Variants in SLC28A3 observed in about 807,000 individuals in gnomAD.
SLC28A3 encodes solute carrier family 28 member 3.
Under a neutral mutation model 84.2 loss-of-function variants are expected in SLC28A3, and 68 were observed. The ratio of observed to expected loss-of-function variants is 0.81; its 90% confidence interval spans 0.66 to 0.99. SLC28A3 has a LOEUF of 0.99. SLC28A3 is among the 50% of genes least tolerant of loss of function. The pLI, the probability that SLC28A3 is intolerant of heterozygous loss-of-function variation, is 0.00. For synonymous variants in SLC28A3, 267 were observed against 303.6 expected (o/e 0.88, Z 1.25); for missense variants, 712 against 841.5 (o/e 0.85, Z 1.90).
At chr9:84,359,677 A>G in the SLC28A3 span, among the ~76,000 whole-genome samples, 1 of 152,196 alleles carries the variant, frequency 6.6e-6, no homozygotes, top group African/African-American at 2.4e-5. Context: ...GTAGGAGCCT[A>G]AGAAAAGATA....
chr9:84,292,648 C>T lies in SLC28A3; in HGVS notation c.1023+20G>A. ...GATCCATTTCAACAGATGTTTTGTT[C>T]TGTTGATATTACAACTTACTTGTCC... On this transcript the variant is annotated intron_variant, in intron 10 of 17. Transcript: ENST00000376238. The T allele has an allele frequency of 6.3e-7, 1 of 1,577,534 alleles. No homozygotes were observed. Among genetic ancestry groups the T allele is most frequent in the Non-Finnish European group, 8.7e-7 (1 of 1,153,086 alleles).
intron 1 of SLC28A3, among the ~76,000 whole-genome samples, chr9:84,321,087 G>A (rs1826360597): frequency 6.6e-6 from 1 of 152,024 alleles, no homozygotes; most frequent in Admixed American, 6.6e-5. Context: ...GGAGTTAATT[G>A]GAACAAAGTC....
intron 2 of SLC28A3, 79 bp from the exon 3 acceptor site, chr9:84,309,793 T>A: frequency 8.1e-7 from 1 of 1,227,782 alleles, no homozygotes; most frequent in Non-Finnish European, 1.2e-6. Flanking sequence ...TGCTCAGAAC[T>A]CGGGCAAAGA....
upstream of SLC28A3, among the ~76,000 whole-genome samples, chr9:84,341,864 C>T (rs1025446456): frequency 6.8e-4 from 104 of 152,232 alleles, 1 homozygote; most frequent in African/African-American, 2.5e-3. Context: ...TGCGGTGGCT[C>T]ACGCCTGTAA....
chr9:84,345,786 T>C, the SLC28A3 span, among the ~76,000 whole-genome samples: 1 of 152,064 alleles, frequency 6.6e-6, no homozygotes, highest in African/African-American at 2.4e-5. Context: ...AATTTAAAAT[T>C]GTATGTTTCT....
At chr9:84,336,386 C>T (rs746779979) in intron 1 of SLC28A3, among the ~76,000 whole-genome samples, 128 of 152,180 alleles carry the variant, frequency 8.4e-4, no homozygotes, top group Non-Finnish European at 1.6e-3. Flanking sequence ...TGCCTGTAAA[C>T]TCAGCTACTC....
At chr9:84,278,493 G>A in intron 17 of SLC28A3, 149 bp from the exon 18 acceptor site, 2 of 1,002,218 alleles carry the variant, frequency 2.0e-6, no homozygotes, top group Non-Finnish European at 2.8e-6. Flanking sequence ...CAGAGACACT[G>A]GGGAATTTGT....
chr9:84,310,726 G>T, intron 2 of SLC28A3: 1 of 434,032 alleles, frequency 2.3e-6, no homozygotes, highest in Non-Finnish European at 3.1e-6. Context: ...TGGACCCTAG[G>T]AACAAGGAAG....
the SLC28A3 span, among the ~76,000 whole-genome samples, chr9:84,364,188 G>A: frequency 7.1e-6 from 1 of 140,020 alleles, no homozygotes; most frequent in Non-Finnish European, 1.5e-5. Flanking sequence ...GCAATGGCAC[G>A]ATCTCGGCTC....
chr9:84,297,859 T>A (rs779316705), intron 7 of SLC28A3, 47 bp downstream of exon 7: 1 of 1,481,054 alleles, frequency 6.8e-7, no homozygotes, highest in Non-Finnish European at 9.2e-7. Flanking sequence ...TTACCTCCAA[T>A]GTTAAAAGCA....
At chr9:84,320,076 T>G (rs1230534130) in intron 1 of SLC28A3, among the ~76,000 whole-genome samples, 2 of 123,906 alleles carry the variant, frequency 1.6e-5, no homozygotes, top group African/African-American at 3.1e-5. Context: ...TTGAGACAGA[T>G]TCTCGCTCTG....
chr9:84,295,536 T>A (rs894661351), intron 8 of SLC28A3, among the ~76,000 whole-genome samples: 1 of 152,126 alleles, frequency 6.6e-6, no homozygotes, highest in East Asian at 1.9e-4. Flanking sequence ...AGAGCCGAGA[T>A]TGTGCCATTG....
At chr9:84,351,534 CTAT>C in the SLC28A3 span, among the ~76,000 whole-genome samples, 1 of 151,916 alleles carries the variant, frequency 6.6e-6, no homozygotes, top group Non-Finnish European at 1.5e-5. Flanking sequence ...TGGCATGCGC[CTAT>C]AGTACCAGCT....
intron 1 of SLC28A3, among the ~76,000 whole-genome samples, chr9:84,320,040 G>GTTTTTTGT (rs1826311957): frequency 8.4e-5 from 5 of 59,610 alleles, no homozygotes; most frequent in African/African-American, 3.9e-4. Flanking sequence ...GGCTTGCACT[G>GTTTTTTGT]TTTTTTTTTT....
chr9:84,280,185 T>C (rs1219352811), intron 15 of SLC28A3, 112 bp from the exon 16 acceptor site: 3 of 894,704 alleles, frequency 3.4e-6, no homozygotes, highest in South Asian at 1.8e-5. Flanking sequence ...TTTTTTTTTT[T>C]TTTCTTTAAC....
chr9:84,313,902 GA>G (rs1227479219), intron 1 of SLC28A3, among the ~76,000 whole-genome samples: 12 of 138,916 alleles, frequency 8.6e-5, no homozygotes, highest in Admixed American at 7.6e-4. Flanking sequence ...AGAAAGTAAA[GA>G]AAAGAAACAT....
chr9:84,322,187 A>G (rs1037049106), intron 1 of SLC28A3, among the ~76,000 whole-genome samples: 1 of 152,266 alleles, frequency 6.6e-6, no homozygotes, highest in African/African-American at 2.4e-5. Context: ...TAAATTCAAG[A>G]ACAGGAAATA....
intron 4 of SLC28A3, among the ~76,000 whole-genome samples, chr9:84,302,614 C>T (rs1825674219): frequency 6.6e-6 from 1 of 152,090 alleles, no homozygotes; most frequent in Non-Finnish European, 1.5e-5. Flanking sequence ...GGACAGGGTG[C>T]TAGGTATTTT....
chr9:84,307,278 A>G (rs1825827920), intron 3 of SLC28A3, among the ~76,000 whole-genome samples: 1 of 151,500 alleles, frequency 6.6e-6, no homozygotes, highest in Non-Finnish European at 1.5e-5. Context: ...TAAAAATACA[A>G]AAATTAGCCG....
Sources: gnomAD v4.1 joint callset for allele counts (sites outside exome capture counted in the v4.1 genomes callset) on GRCh38, gnomAD v4.1.1 for gene constraint, MANE v1.5 for transcripts, NCBI Gene and HGNC (gene_info 2026-07-23, HGNC 2026-07-21) for gene names.